Variants in ERICH2 observed in about 807,000 individuals in gnomAD.
ERICH2 encodes glutamate rich 2.
A neutral mutation model predicts 17.4 loss-of-function variants in ERICH2; 17 were observed. The observed-to-expected ratio is 0.98, with a 90% CI of 0.67 to 1.47. ERICH2 has a LOEUF of 1.47. Ranked by LOEUF, ERICH2 falls within the 40% of genes most tolerant of loss-of-function variation. ERICH2 has a pLI of 0.00. For synonymous variants in ERICH2, 51 were observed against 61.1 expected, an observed-to-expected ratio of 0.83 and a Z score of 0.77; for missense variants, 186 against 183.2, an observed-to-expected ratio of 1.01 and a Z score of -0.09.
chr2:170,780,730 C>T (rs551847564), upstream of ERICH2, among the ~76,000 whole-genome samples: 4 of 152,152 alleles, frequency 2.6e-5, no homozygotes, highest in Admixed American at 6.5e-5. Context: ...TTTTAGTGTA[C>T]ATAAAACGAT....
At chr2:170,794,921 C>T (rs952506224) in intron 3 of ERICH2, among the ~76,000 whole-genome samples, 1 of 152,210 alleles carries the variant, frequency 6.6e-6, no homozygotes, top group Non-Finnish European at 1.5e-5. Context: ...CTTTCAAGCA[C>T]TTTTGACCTT....
chr2:170,775,130 G>A, the ERICH2 span, among the ~76,000 whole-genome samples: 1 of 17,570 alleles, frequency 5.7e-5, no homozygotes, highest in Non-Finnish European at 2.4e-4. Context: ...GAAAGGAGAG[G>A]ACTGCTCTAA....
chr2:170,776,320 T>C, the ERICH2 span, among the ~76,000 whole-genome samples: 593 of 152,348 alleles, frequency 3.9e-3, 3 homozygotes, highest in African/African-American at 0.013. Flanking sequence ...TAGCTTGAGA[T>C]ACTGTGGAAG....
At chr2:170,774,665 G>A in the ERICH2 span, among the ~76,000 whole-genome samples, 7 of 148,998 alleles carry the variant, frequency 4.7e-5, no homozygotes, top group East Asian at 4.0e-4. Flanking sequence ...TTCACCTCCC[G>A]GGTTCAAGCA....
chr2:170,786,044 G>A (rs1701153252), intron 2 of ERICH2, among the ~76,000 whole-genome samples: 1 of 151,116 alleles, frequency 6.6e-6, no homozygotes, highest in Admixed American at 6.6e-5. Context: ...TTTTTTAATG[G>A]TTAATTCTCT....
the ERICH2 span, chr2:170,778,025 T>C: frequency 2.9e-5 from 6 of 206,180 alleles, no homozygotes; most frequent in Admixed American, 2.9e-4. Flanking sequence ...TTCAAGTGAA[T>C]ATGTACTTTA....
chr2:170,798,880 G>C, exon 5 of ERICH2: 1 of 1,550,606 alleles, frequency 6.4e-7, no homozygotes, highest in Admixed American at 2.0e-5. Context: ...TGACGAAGGT[G>C]AAGATGGATC....
chr2:170,792,258 A>G (rs1701307394), intron 2 of ERICH2, among the ~76,000 whole-genome samples: 1 of 152,220 alleles, frequency 6.6e-6, no homozygotes, highest in South Asian at 2.1e-4. Flanking sequence ...GAAAGAATAT[A>G]CATGAAGATG....
chr2:170,774,762 A>G, the ERICH2 span, among the ~76,000 whole-genome samples: 1 of 151,226 alleles, frequency 6.6e-6, no homozygotes, highest in African/African-American at 2.4e-5. Context: ...TTTTTAGTAG[A>G]GACGGGGTTT....
intron 4 of ERICH2, 109 bp from the exon 10 acceptor site, chr2:170,798,661 T>C (rs887177608): frequency 2.2e-6 from 3 of 1,355,476 alleles, no homozygotes; most frequent in Non-Finnish European, 3.0e-6. Flanking sequence ...ACTCAGTTCT[T>C]ATGTTACAAA....
At chr2:170,796,490 C>A (rs1701427497) in intron 3 of ERICH2, among the ~76,000 whole-genome samples, 1 of 137,978 alleles carries the variant, frequency 7.2e-6, no homozygotes, top group Non-Finnish European at 1.5e-5. Context: ...GGCTGGGATG[C>A]AGTGGCACGA....
chr2:170,783,971 T>G, intron 1 of ERICH2: 2 of 1,471,100 alleles, frequency 1.4e-6, no homozygotes, highest in Non-Finnish European at 9.3e-7. Flanking sequence ...TGTTTTAGAG[T>G]CATTAGTTTT....
At chr2:170,778,935 T>C (rs535906240), upstream of ERICH2, among the ~76,000 whole-genome samples, 28 of 152,270 alleles carry the variant, frequency 1.8e-4, no homozygotes, top group Admixed American at 8.5e-4. Context: ...TAGGCCAAAA[T>C]AGAAAAGCAG....
chr2:170,793,060 GGTT>G, intron 3 of ERICH2, 140 bp downstream of exon 8: 1 of 496,312 alleles, frequency 2.0e-6, no homozygotes, highest in South Asian at 4.7e-5. Context: ...TAATAAATTA[GGTT>G]GATTGGTATA....
intron 4 of ERICH2, among the ~76,000 whole-genome samples, chr2:170,798,471 T>C (rs918645446): frequency 6.6e-6 from 1 of 152,210 alleles, no homozygotes; most frequent in African/African-American, 2.4e-5. Flanking sequence ...AATTTTACTA[T>C]TGTCAATAAA....
At chr2:170,781,830 G>A (rs1372874319), upstream of ERICH2, among the ~76,000 whole-genome samples, 1 of 109,430 alleles carries the variant, frequency 9.1e-6, no homozygotes, top group East Asian at 2.6e-4. Flanking sequence ...TTTATATTAT[G>A]TCCAAGGGCT....
upstream of ERICH2, chr2:170,782,126 T>G (rs1390592485): frequency 2.9e-5 from 2 of 69,196 alleles, no homozygotes; most frequent in Non-Finnish European, 5.1e-5. Flanking sequence ...TTTTAGCTAT[T>G]TAGTTTATTG....
At chr2:170,797,097 A>C (rs138280929) in intron 3 of ERICH2, among the ~76,000 whole-genome samples, 1 of 152,332 alleles carries the variant, frequency 6.6e-6, no homozygotes, top group East Asian at 1.9e-4. Flanking sequence ...CAATGGGTCC[A>C]ATGAAGGTGG....
the ERICH2 span, chr2:170,777,939 C>T: frequency 2.8e-6 from 1 of 354,652 alleles, no homozygotes; most frequent in East Asian, 4.1e-5. Flanking sequence ...ACCCTGTATT[C>T]TGTATTTTAC....
Sources: gnomAD v4.1 joint callset for allele counts (sites outside exome capture counted in the v4.1 genomes callset) on GRCh38, gnomAD v4.1.1 for gene constraint, MANE v1.5 for transcripts, NCBI Gene and HGNC (gene_info 2026-07-23, HGNC 2026-07-21) for gene names.